Variants in COMMD1 observed in about 807,000 individuals in gnomAD.
The protein encoded by COMMD1 is copper metabolism domain containing 1.
In COMMD1, 10 loss-of-function variants were observed where a neutral mutation model predicts 17.2. The observed-to-expected ratio is 0.58, with a 90% CI of 0.36 to 0.99. The LOEUF is 0.99. Among genes scored for constraint, COMMD1 ranks in the 50% least tolerant of loss-of-function variants. The pLI is 0.01. For missense variants in COMMD1, 270 were observed against 231.8 expected (o/e 1.17, Z -1.07); for synonymous variants, 97 against 91.6 (o/e 1.06, Z -0.34).
chr2:62,091,209 A>T (rs1350177087), intron 2 of COMMD1, among the ~76,000 whole-genome samples: 1 of 152,144 alleles, frequency 6.6e-6, no homozygotes, highest in Non-Finnish European at 1.5e-5. Flanking sequence ...TATCCATTTG[A>T]TGAGTGCTGT....
chr2:62,113,242 C>A (rs550413859), intron 2 of COMMD1, among the ~76,000 whole-genome samples: 60 of 152,038 alleles, frequency 3.9e-4, no homozygotes, highest in African/African-American at 1.4e-3. Flanking sequence ...GTACTAGCTA[C>A]TCAGGAGGCT....
At chr2:62,081,589 T>C (rs1244258876) in intron 2 of COMMD1, among the ~76,000 whole-genome samples, 11 of 152,106 alleles carry the variant, frequency 7.2e-5, no homozygotes, top group Admixed American at 7.2e-4. Context: ...CCTTGTTGCT[T>C]TACTCTACAT....
At chr2:61,981,435 C>G (rs1011699013) in intron 1 of COMMD1, among the ~76,000 whole-genome samples, 1 of 152,092 alleles carries the variant, frequency 6.6e-6, no homozygotes, top group South Asian at 2.1e-4. Context: ...GCACTTTTGT[C>G]GAAAATGAGT....
intron 2 of COMMD1, among the ~76,000 whole-genome samples, chr2:62,016,230 A>C (rs1248398150): frequency 1.4e-4 from 15 of 104,558 alleles, no homozygotes; most frequent in Non-Finnish European, 2.5e-4. Context: ...TTTTTTCGAG[A>C]CAGGGTCTTG....
At position 62,109,569 on chromosome 2, in the gene COMMD1, G is replaced by T. The variant is rs567322813; in HGVS notation, c.463-26262G>T. Among the ~76,000 whole-genome samples the T allele has an allele frequency of 5.3e-5, 8 of 152,312 alleles. 1 individual carries two copies. The highest frequency in any genetic ancestry group is 1.9e-4 in the African/African-American group (8 of 41,562). On this transcript the variant is annotated intron_variant, in intron 2 of 2. Coordinates refer to ENST00000311832, the MANE Select transcript of COMMD1 (RefSeq NM_152516.4). Reference sequence around the variant, plus strand: ...GGATAGAATAGATGAAGAAAGTCAGGCTCCAAGAGTTTTAAGTGAATTACG... The same window carrying T: ...GGATAGAATAGATGAAGAAAGTCAGTCTCCAAGAGTTTTAAGTGAATTACG...
chr2:61,912,934 G>A (rs778924664), intron 1 of COMMD1, among the ~76,000 whole-genome samples: 32 of 152,192 alleles, frequency 2.1e-4, no homozygotes, highest in Non-Finnish European at 4.0e-4. Context: ...CAGGCCTGCA[G>A]TAGCAGCTAC....
At chr2:62,075,399 C>T (rs1332645003) in intron 2 of COMMD1, among the ~76,000 whole-genome samples, 1 of 152,114 alleles carries the variant, frequency 6.6e-6, no homozygotes, top group African/African-American at 2.4e-5. Flanking sequence ...CAGTCGCTAC[C>T]CCCACTTCCT....
At chr2:62,108,329 C>G (rs182360989) in intron 2 of COMMD1, among the ~76,000 whole-genome samples, 86 of 151,992 alleles carry the variant, frequency 5.7e-4, no homozygotes, top group Admixed American at 1.6e-3. Flanking sequence ...ATTAAACTGA[C>G]AGAAGACAGA....
intron 2 of COMMD1, among the ~76,000 whole-genome samples, chr2:62,040,673 C>G (rs1257576193): frequency 6.6e-6 from 1 of 152,084 alleles, no homozygotes; most frequent in Non-Finnish European, 1.5e-5. Flanking sequence ...TTGGTTGTGT[C>G]ATAGTCTTTA....
At chr2:61,977,567 A>G (rs1429092290) in intron 1 of COMMD1, among the ~76,000 whole-genome samples, 3 of 152,050 alleles carry the variant, frequency 2.0e-5, no homozygotes, top group South Asian at 2.1e-4. Context: ...TTAAAAATGC[A>G]TTTGGAACCC....
intron 2 of COMMD1, among the ~76,000 whole-genome samples, chr2:62,088,823 G>C (rs1035292612): frequency 6.6e-6 from 1 of 152,256 alleles, no homozygotes; most frequent in East Asian, 1.9e-4. Context: ...GAGAACATGT[G>C]CCCAAGGTCG....
At chr2:62,042,800 T>C (rs762195273) in intron 2 of COMMD1, among the ~76,000 whole-genome samples, 5 of 152,226 alleles carry the variant, frequency 3.3e-5, no homozygotes, top group Non-Finnish European at 5.9e-5. Context: ...CGGCCTCTTT[T>C]GTGCATTTTG....
At chr2:61,910,109 T>C (rs757130470) in intron 1 of COMMD1, among the ~76,000 whole-genome samples, 1 of 152,326 alleles carries the variant, frequency 6.6e-6, no homozygotes, top group African/African-American at 2.4e-5. Flanking sequence ...TCACTTGCTC[T>C]AGTTTTTATT....
intron 2 of COMMD1, among the ~76,000 whole-genome samples, chr2:62,012,859 A>AG (rs567813704): frequency 9.1e-4 from 138 of 152,190 alleles, no homozygotes; most frequent in Non-Finnish European, 1.7e-3. Context: ...CCCATCTCAA[A>AG]GTAAGTGGCT....
chr2:61,895,118 A>G (rs772823219), intron 1 of COMMD1, among the ~76,000 whole-genome samples: 1 of 152,228 alleles, frequency 6.6e-6, no homozygotes, highest in Non-Finnish European at 1.5e-5. Flanking sequence ...AACAATGAAG[A>G]TGAAAGGGTA....
chr2:62,075,630 T>C (rs552695199), intron 2 of COMMD1, among the ~76,000 whole-genome samples: 30 of 152,348 alleles, frequency 2.0e-4, no homozygotes, highest in African/African-American at 7.0e-4. Flanking sequence ...TTCCCAAGGC[T>C]TCATAATTCA....
intron 2 of COMMD1, among the ~76,000 whole-genome samples, chr2:62,128,794 T>C (rs1331802260): frequency 6.6e-6 from 1 of 151,350 alleles, no homozygotes; most frequent in Admixed American, 6.6e-5. Flanking sequence ...TTACTAAAAA[T>C]ACAAAAAATT....
At chr2:61,902,520 G>A (rs2105165536), upstream of COMMD1, among the ~76,000 whole-genome samples, 1 of 151,228 alleles carries the variant, frequency 6.6e-6, no homozygotes, top group African/African-American at 2.4e-5. Flanking sequence ...TAAAAAAAAA[G>A]AAAAGAAATC....
At chr2:62,009,681 TA>T (rs1010062300) in intron 2 of COMMD1, among the ~76,000 whole-genome samples, 3 of 151,974 alleles carry the variant, frequency 2.0e-5, no homozygotes, top group African/African-American at 7.2e-5. Context: ...ACACACTTGT[TA>T]AAAAAATCTA....
Sources: gnomAD v4.1 joint callset for allele counts (sites outside exome capture counted in the v4.1 genomes callset) on GRCh38, gnomAD v4.1.1 for gene constraint, MANE v1.5 for transcripts, NCBI Gene and HGNC (gene_info 2026-07-23, HGNC 2026-07-21) for gene names.